MYH6: variants seen among roughly 807,000 people sequenced by gnomAD.
MYH6 encodes myosin heavy chain 6, also known as myosin-6.
In MYH6, 126 loss-of-function variants were observed where a neutral mutation model predicts 223.2. The ratio of observed to expected loss-of-function variants is 0.56; its 90% CI spans 0.49 to 0.65. The LOEUF (loss-of-function observed/expected upper bound fraction) is 0.65. MYH6 is among the 30% of genes least tolerant of loss of function. The pLI, the probability that MYH6 is intolerant of heterozygous loss-of-function variation, is 0.00. For synonymous variants in MYH6, 978 were observed against 1,010.2 expected, an observed-to-expected ratio of 0.97 and a Z score of 0.61; for missense variants, 2,040 against 2,536.4, an observed-to-expected ratio of 0.80 and a Z score of 4.20.
chr14:23,390,533 G>T, intron 25 of MYH6, 87 bp from the exon 26 acceptor site: 2 of 1,553,178 alleles, frequency 1.3e-6, no homozygotes, highest in Non-Finnish European at 1.7e-6. Context: ...AGGAACTTAG[G>T]TTCCTCTCAA....
intron 25 of MYH6, among the ~76,000 whole-genome samples, chr14:23,390,763 C>T (rs536870217): frequency 2.0e-5 from 3 of 152,298 alleles, no homozygotes; most frequent in Admixed American, 6.5e-5. Flanking sequence ...ATCCTGAGAA[C>T]CTGTGGTTGA....
chr14:23,395,928 T>C (rs1891379504), intron 20 of MYH6, among the ~76,000 whole-genome samples: 2 of 152,232 alleles, frequency 1.3e-5, no homozygotes, highest in South Asian at 4.1e-4. Flanking sequence ...TTAATTTTTG[T>C]CAGTCTAGTG....
At chr14:23,389,094 C>CTAGATT in intron 28 of MYH6, 39 bp from the exon 29 acceptor site, 2 of 1,563,208 alleles carry the variant, frequency 1.3e-6, no homozygotes, top group Non-Finnish European at 1.7e-6. Context: ...GGGAGGGACT[C>CTAGATT]CCTGTGCCCC....
chr14:23,399,129 G>T, intron 14 of MYH6, 92 bp from the exon 15 acceptor site: 1 of 1,497,292 alleles, frequency 6.7e-7, no homozygotes, highest in Non-Finnish European at 9.3e-7. Context: ...GGAATCTGGA[G>T]CCAGTAGCGC....
At chr14:23,401,851 A>G (rs557511960) in intron 12 of MYH6, among the ~76,000 whole-genome samples, 41 of 152,348 alleles carry the variant, frequency 2.7e-4, no homozygotes, top group African/African-American at 9.6e-4. Flanking sequence ...TGTAATTTCA[A>G]GAATGTTGTA....
At position 23,394,067 on chromosome 14, in the gene MYH6, C is replaced by T; in HGVS notation, c.2685+1G>A. 6.2e-7 allele frequency: 1 copy of T among 1,614,138 alleles called. No individual in the cohort carries two copies. Among genetic ancestry groups the T allele is most frequent in the Non-Finnish European group, 8.5e-7 (1 of 1,180,048 alleles). ...CTGAAGAGATAATCACGTGGCCTCA[C>T]CGCCTGCACTTGGAGCTGCAGGTCA... On this transcript the variant is annotated splice_donor_variant, in intron 21 of 38. Coordinates refer to ENST00000405093, the MANE Select transcript of MYH6 (RefSeq NM_002471.4). LOFTEE classifies it high-confidence loss of function.
rs757613880 is a variant in MYH6, at chr14:23,386,359, C to T, written c.4915G>A (p.Ala1639Thr). The change falls in exon 33 of 39, where the codon GCC becomes ACC. Residue 1639 changes from alanine (A) to threonine (T), a missense_variant. This residue lies in a region of MYH6 where 1,203 missense variants were observed against 1,400.2 expected (regional missense o/e 0.86). Coordinates refer to ENST00000405093, the MANE Select transcript of MYH6 (RefSeq NM_002471.4). The stretch of plus-strand genomic sequence containing the variant: ...CTCTTGACTTGCTTCTGGGCCTCGG[C>T]AGCCATGCGGTTGGCGTGGCTGAGC... ...IQLSHANRMA[A>T]EAQKQVKSLQ... 5.6e-6 allele frequency: 9 copies of T among 1,614,042 alleles called. No homozygotes were observed. The highest frequency in any genetic ancestry group is 1.7e-5 in the Admixed American group (1 of 60,010).
In MYH6 at chr14:23,403,724, T is replaced by C. The variant is rs759793049; in HGVS notation, c.790A>G (p.Ile264Val). 2.5e-6 allele frequency: 4 copies of C among 1,613,024 alleles called. No homozygotes were observed. The highest frequency in any genetic ancestry group is 3.4e-6 in the Non-Finnish European group (4 of 1,179,462). The change falls in exon 9 of 39, where the codon ATA (isoleucine) becomes GTA (valine). Residue 264 changes from isoleucine to valine, a missense_variant. Around this residue, in one of 4 missense-constraint regions of MYH6, gnomAD observed 649 missense variants for 877.3 expected, o/e 0.74. Transcript: ENST00000405093. ...GATGKLASAD[I>V]ETYLLEKSRV... ...CCCTGCTGGTACTCACAGGTCTCTA[T>C]GTCTGCAGAAGCCAGCTTTCCAGTG...
At chr14:23,384,850 G>A in intron 35 of MYH6, 66 bp downstream of exon 35, 2 of 1,613,208 alleles carry the variant, frequency 1.2e-6, no homozygotes, top group Non-Finnish European at 1.7e-6. Context: ...ACAGCACAGT[G>A]GCCTGGCCTG....
In MYH6 at chr14:23,392,666, G is replaced by A; in HGVS notation, c.3252-14C>T. On this transcript the variant is annotated splice_polypyrimidine_tract_variant and intron_variant, in intron 24 of 38. Transcript: ENST00000405093. ...TCAAACTCCTTCCTGCAGGAGAAGG[G>A]TGGGGGTGGGGGAGTGACAGGTAGC... The A allele has an allele frequency of 7.7e-7, 1 of 1,290,762 alleles. No homozygotes were observed. Among genetic ancestry groups the A allele is most frequent in the Non-Finnish European group, 1.1e-6 (1 of 886,290 alleles). The allele number at this position is 1,290,762 out of a possible 1,614,324, so 80.0% of individuals were successfully genotyped here.
chr14:23,392,450 A>T (rs895267026), intron 25 of MYH6, 112 bp downstream of exon 25: 2 of 871,854 alleles, frequency 2.3e-6, no homozygotes, highest in Non-Finnish European at 4.0e-6. Flanking sequence ...GGTTGGGTCT[A>T]TGAGGCTGCC....
chr14:23,402,004 C>T (rs2138614233), intron 12 of MYH6, among the ~76,000 whole-genome samples: 1 of 152,312 alleles, frequency 6.6e-6, no homozygotes, highest in East Asian at 1.9e-4. Flanking sequence ...CAAAGGACCT[C>T]ACAGTAGCCA....
At chr14:23,396,873 C>G (rs1490344737) in intron 18 of MYH6, 56 bp from the exon 19 acceptor site, 2 of 1,612,912 alleles carry the variant, frequency 1.2e-6, no homozygotes, top group Non-Finnish European at 1.7e-6. Flanking sequence ...GCTCTGCCCA[C>G]AGAATTCCAG....
chr14:23,396,263 T>A lies in MYH6; in HGVS notation c.2429+21A>T, dbSNP rs781432152. 6 of 1,614,038 alleles carry A rather than the reference T, an allele frequency of 3.7e-6. No homozygotes were observed. In the South Asian group the frequency reaches 5.5e-5, roughly 15 times the overall value. ...TGCCTCTACATCTCTAGTGCATGCC[T>A]CCCTTTTCCTCCTGTCTCACCTGCG... On this transcript the variant is annotated intron_variant, in intron 20 of 38. Coordinates refer to ENST00000405093, the MANE Select transcript of MYH6 (RefSeq NM_002471.4).
At chr14:23,400,508 C>T (rs1382737827) in intron 13 of MYH6, 82 bp from the exon 14 acceptor site, 2 of 1,608,486 alleles carry the variant, frequency 1.2e-6, no homozygotes, top group Admixed American at 1.7e-5. Context: ...CTGTGCCGAG[C>T]CCAGCAGGGT....
rs1687347683 is a variant in MYH6, at chr14:23,393,779, T to C, written c.2815A>G (p.Thr939Ala). ...EDEEEMNAELTAKKRKLEDEC... is the reference protein window; with the variant it reads ...EDEEEMNAELAAKKRKLEDEC... ...TCTTCCAGCTTGCGCTTCTTGGCAG[T>C]GAGCTCCGCGTTCATCTCCTCCTCA... is the stretch of plus-strand genomic sequence containing the variant. Residue 939 changes from threonine (T) to alanine (A), a missense_variant, in exon 22 of 39, where the codon ACT becomes GCT. Thr to Ala is a moderately conservative substitution (Grantham distance 58). This residue lies in a region of MYH6 where 1,203 missense variants were observed against 1,400.2 expected (regional missense o/e 0.86). Coordinates refer to ENST00000405093, the MANE Select transcript of MYH6 (RefSeq NM_002471.4). The C allele has an allele frequency of 6.2e-7, 1 of 1,614,238 alleles. No homozygotes were observed. The highest frequency in any genetic ancestry group is 8.5e-7 in the Non-Finnish European group (1 of 1,180,046).
In MYH6 at chr14:23,405,563, C is replaced by G; in HGVS notation, c.345+64G>C. 8 of 1,611,138 alleles carry G rather than the reference C, an allele frequency of 5.0e-6. No individual in the cohort carries two copies. The South Asian group carries it at 8.8e-5, about 18-fold the overall frequency. ...CTCTCCCCCTCTTCTTGGGAGAGCCCCCCTGGCTTATTTAGGCCTCCACGC... is the reference window on the plus strand; with the variant it reads ...CTCTCCCCCTCTTCTTGGGAGAGCCGCCCTGGCTTATTTAGGCCTCCACGC... On this transcript the variant is annotated intron_variant, in intron 4 of 38. Coordinates refer to ENST00000405093, the MANE Select transcript of MYH6 (RefSeq NM_002471.4). This position sits in a 1 kb window ranked among gnomAD's most constrained non-coding sequence, Gnocchi z 4.7.
In MYH6 at chr14:23,397,555, C is replaced by A; in HGVS notation, c.1950G>T (p.Ser650=). 4 of 1,614,174 alleles carry A rather than the reference C, an allele frequency of 2.5e-6. No homozygotes were observed. Among genetic ancestry groups the A allele is most frequent in the Non-Finnish European group, 2.5e-6 (3 of 1,180,040 alleles). ...KKKGSSFQTV[S]ALHRENLNKL... ...GGGCCCTTCTTACCCGGTGGAGAGC[C>A]GACACCGTCTGGAAGGATGAGCCCT... Residue 650 remains serine, a synonymous_variant, in exon 16 of 39, where the codon TCG becomes TCT. Coordinates refer to ENST00000405093, the MANE Select transcript of MYH6 (RefSeq NM_002471.4).
In MYH6 at chr14:23,405,316, C is replaced by A. The variant is rs752658033; in HGVS notation, c.409G>T (p.Glu137Ter). Residue 137 changes from glutamate (E) to a stop codon, truncating the protein, a stop_gained, in exon 5 of 39, where the codon GAG becomes TAG. Coordinates refer to ENST00000405093, the MANE Select transcript of MYH6 (RefSeq NM_002471.4). LOFTEE classifies it high-confidence loss of function. This position sits in a 1 kb window ranked among gnomAD's most constrained non-coding sequence, Gnocchi z 4.7. Reference protein sequence around the residue: ...PYKWLPVYNAEVVAAYRGKKR... With the variant: ...PYKWLPVYNA ...TTGCCCCGGTAGGCGGCCACCACCTCGGCATTGTACACCGGCAGCCACTTG... is the reference window on the plus strand; with the variant it reads ...TTGCCCCGGTAGGCGGCCACCACCTAGGCATTGTACACCGGCAGCCACTTG... 1 of 1,614,022 alleles carries A rather than the reference C, an allele frequency of 6.2e-7. No homozygotes were observed. Among genetic ancestry groups the A allele is most frequent in the Non-Finnish European group, 8.5e-7 (1 of 1,180,018 alleles).
Sources: gnomAD v4.1 joint callset for allele counts (sites outside exome capture counted in the v4.1 genomes callset) on GRCh38, gnomAD v4.1.1 for gene constraint, gnomAD v4.1.1 regional missense constraint, Gnocchi (gnomAD v3.1) non-coding constraint, MANE v1.5 for transcripts, NCBI Gene and HGNC (gene_info 2026-07-23, HGNC 2026-07-21) for gene names.